IL1RAPL1: variants seen among roughly 807,000 people sequenced by gnomAD.
IL1RAPL1 encodes the protein interleukin 1 receptor accessory protein like 1, also known as interleukin-1 receptor accessory protein-like 1.
A neutral mutation model predicts 48.4 loss-of-function variants in IL1RAPL1; 3 were observed. That is an observed-to-expected ratio of 0.06 (90% CI 0.03 to 0.16). IL1RAPL1 has a LOEUF of 0.16. Ranked by LOEUF, IL1RAPL1 falls within the 10% of genes least tolerant of loss-of-function variation. The probability of loss-of-function intolerance (pLI) is 1.00; values close to 1 mark genes in which losing one functional copy is unlikely to be tolerated. For synonymous variants in IL1RAPL1, 185 were observed against 187.7 expected (o/e 0.99, Z 0.12); for missense variants, 349 against 530.6 (o/e 0.66, Z 3.36).
chrX:29,274,759 A>G (rs192405147), intron 2 of IL1RAPL1, among the ~76,000 whole-genome samples: 12 of 111,404 alleles, frequency 1.1e-4, no homozygotes, highest in Non-Finnish European at 2.3e-4. Context: ...TTTGACCCCA[A>G]CAACACTTAT....
intron 5 of IL1RAPL1, among the ~76,000 whole-genome samples, chrX:29,642,413 C>T (rs1161690155): frequency 1.8e-5 from 2 of 112,490 alleles, no homozygotes; most frequent in African/African-American, 3.2e-5. Context: ...TGTCATAATA[C>T]TCAGCAAAAG....
At chrX:29,202,596 A>T (rs1181893381) in intron 2 of IL1RAPL1, among the ~76,000 whole-genome samples, 1 of 112,062 alleles carries the variant, frequency 8.9e-6, no homozygotes, top group Non-Finnish European at 1.9e-5. Flanking sequence ...TAGCAAAGTC[A>T]TGGAATCAAC....
intron 2 of IL1RAPL1, among the ~76,000 whole-genome samples, chrX:29,043,857 C>T (rs1343963976): frequency 8.9e-6 from 1 of 111,973 alleles, no homozygotes; most frequent in East Asian, 2.8e-4. Flanking sequence ...TGGTTTCTGA[C>T]AGGGTTAGTG....
intron 6 of IL1RAPL1, among the ~76,000 whole-genome samples, chrX:29,809,164 C>T (rs1210313368): frequency 1.9e-5 from 2 of 106,063 alleles, no homozygotes; most frequent in Non-Finnish European, 3.9e-5. Flanking sequence ...ATGTTGAAAT[C>T]TCAGCTCACT....
chrX:29,595,432 C>G (rs901544715), intron 5 of IL1RAPL1, among the ~76,000 whole-genome samples: 7 of 111,892 alleles, frequency 6.3e-5, no homozygotes, highest in Admixed American at 5.7e-4. Flanking sequence ...TATGGCCATT[C>G]TTACAGGAGT....
At chrX:29,390,892 G>A (rs1230834466) in intron 3 of IL1RAPL1, among the ~76,000 whole-genome samples, 1 of 111,412 alleles carries the variant, frequency 9.0e-6, no homozygotes, top group Non-Finnish European at 1.9e-5. Flanking sequence ...CTCTGATAGC[G>A]GCCAGGCACA....
chrX:29,372,329 C>T (rs1241634231), intron 3 of IL1RAPL1, among the ~76,000 whole-genome samples: 1 of 111,778 alleles, frequency 8.9e-6, no homozygotes, highest in Non-Finnish European at 1.9e-5. Flanking sequence ...TAGACTTTCG[C>T]CAAATGCATA....
intron 3 of IL1RAPL1, among the ~76,000 whole-genome samples, chrX:29,366,851 G>C (rs1262472708): frequency 9.0e-6 from 1 of 111,303 alleles, no homozygotes; most frequent in Admixed American, 9.6e-5. Flanking sequence ...GCAGGCGTGA[G>C]CCACTGCGCC....
chrX:28,674,505 C>T (rs1218188777), intron 1 of IL1RAPL1, among the ~76,000 whole-genome samples: 2 of 111,460 alleles, frequency 1.8e-5, no homozygotes, highest in South Asian at 3.7e-4. Context: ...ATTTTTATAT[C>T]AATTATTTTC....
In IL1RAPL1 at chrX:29,735,550, A is replaced by G. The variant is rs149668548; in HGVS notation, c.778+67046A>G. Among the ~76,000 whole-genome samples the G allele has an allele frequency of 6.9e-3, 774 of 111,672 alleles. 10 individuals carry two copies. Among genetic ancestry groups the G allele is most frequent in the African/African-American group, 0.024 (740 of 30,749 alleles). The stretch of plus-strand genomic sequence containing the variant: ...AAGCTGACCCCAAGCTAGGGGCCAC[A>G]TCTCTTCTTTGTACTCATGCATTTT... On this transcript the variant is annotated intron_variant, in intron 6 of 10. Coordinates refer to ENST00000378993, the MANE Select transcript of IL1RAPL1 (RefSeq NM_014271.4).
At chrX:29,912,276 C>T (rs1932763375) in intron 6 of IL1RAPL1, among the ~76,000 whole-genome samples, 1 of 111,122 alleles carries the variant, frequency 9.0e-6, no homozygotes, top group East Asian at 2.8e-4. Context: ...GACATGTAGA[C>T]ATGTAGCCTT....
At chrX:29,913,052 G>GTGAT (rs1302709228) in intron 6 of IL1RAPL1, among the ~76,000 whole-genome samples, 1 of 110,980 alleles carries the variant, frequency 9.0e-6, no homozygotes, top group African/African-American at 3.3e-5. Context: ...TGACACAGGT[G>GTGAT]TGATTAATTA....
intron 2 of IL1RAPL1, among the ~76,000 whole-genome samples, chrX:29,054,124 C>G (rs376975178): frequency 9.0e-6 from 1 of 111,130 alleles, no homozygotes; most frequent in Non-Finnish European, 1.9e-5. Flanking sequence ...GATCAAAATT[C>G]AAATTCTGTG....
chrX:29,798,540 A>G (rs1428339484), intron 6 of IL1RAPL1, among the ~76,000 whole-genome samples: 1 of 112,179 alleles, frequency 8.9e-6, no homozygotes, highest in African/African-American at 3.2e-5. Flanking sequence ...AGCATCTGCT[A>G]TAATAGAATG....
intron 5 of IL1RAPL1, among the ~76,000 whole-genome samples, chrX:29,491,006 C>A (rs1397315045): frequency 1.8e-5 from 2 of 110,928 alleles, no homozygotes; most frequent in African/African-American, 6.7e-5. Flanking sequence ...GTTGTAAATT[C>A]CTTGTGGGCA....
intron 1 of IL1RAPL1, among the ~76,000 whole-genome samples, chrX:28,623,338 T>G (rs777811496): frequency 2.9e-4 from 32 of 111,546 alleles, no homozygotes; most frequent in Non-Finnish European, 5.6e-4. Flanking sequence ...TTGTTATGTA[T>G]GTATAAAGTT....
chrX:28,764,179 A>G (rs958519343), intron 1 of IL1RAPL1, among the ~76,000 whole-genome samples: 2 of 111,732 alleles, frequency 1.8e-5, no homozygotes, highest in Non-Finnish European at 3.8e-5. Context: ...ATTATTTAAT[A>G]TAAATAACAA....
At chrX:29,870,006 A>G (rs1185232963) in intron 6 of IL1RAPL1, among the ~76,000 whole-genome samples, 1 of 111,405 alleles carries the variant, frequency 9.0e-6, no homozygotes, top group Non-Finnish European at 1.9e-5. Flanking sequence ...GATGACAGCC[A>G]CTCAGGAAAA....
At chrX:29,572,194 CAGTT>C (rs772572172) in intron 5 of IL1RAPL1, among the ~76,000 whole-genome samples, 20 of 112,194 alleles carry the variant, frequency 1.8e-4, no homozygotes, top group African/African-American at 5.8e-4. Flanking sequence ...CACTTTAAGA[CAGTT>C]AGAGTTTCTT....
Sources: gnomAD v4.1 joint callset for allele counts (sites outside exome capture counted in the v4.1 genomes callset) on GRCh38, gnomAD v4.1.1 for gene constraint, MANE v1.5 for transcripts, NCBI Gene and HGNC (gene_info 2026-07-23, HGNC 2026-07-21) for gene names.